Variants in OXR1 observed in about 807,000 individuals in gnomAD.
The protein encoded by OXR1 is oxidation resistance 1.
OXR1 carries 41 observed loss-of-function variants against 104.6 expected under a neutral mutation model. The ratio of observed to expected loss-of-function variants is 0.39; its 90% confidence interval spans 0.31 to 0.51. The LOEUF is 0.51. Among genes scored for constraint, OXR1 ranks in the 20% least tolerant of loss-of-function variants. The probability of loss-of-function intolerance (pLI) is 0.77; values close to 1 mark genes in which losing one functional copy is unlikely to be tolerated. For synonymous variants in OXR1, 348 were observed against 348.4 expected (o/e 1.00, Z 0.01); for missense variants, 955 against 1,031.9 (o/e 0.93, Z 1.02).
Position 106,675,144 on chromosome 8 carries a change from A to G in OXR1, c.221-4066A>G, listed in dbSNP as rs559682247. Among the ~76,000 whole-genome samples, 20 of 152,322 alleles carry G rather than the reference A, an allele frequency of 1.3e-4. No homozygotes were observed. The East Asian group carries it at 1.5e-3, about 12-fold the overall frequency. ...ATAATTTTCGATTTGTATGAGCCTA[A>G]TAACATGGTCCCAATGTATAAAAAG... On this transcript the variant is annotated intron_variant, in intron 3 of 16. Coordinates refer to ENST00000517566, the MANE Select transcript of OXR1 (RefSeq NM_001198533.2).
At chr8:106,658,434 A>G (rs909339673) in intron 3 of OXR1, among the ~76,000 whole-genome samples, 10 of 152,106 alleles carry the variant, frequency 6.6e-5, no homozygotes, top group African/African-American at 2.2e-4. Context: ...TTCCTCACCT[A>G]GACTTGATTT....
chr8:106,517,352 G>A (rs1812927302), intron 2 of OXR1, among the ~76,000 whole-genome samples: 1 of 152,004 alleles, frequency 6.6e-6, no homozygotes, highest in Non-Finnish European at 1.5e-5. Context: ...TCATGTTGCT[G>A]CTAATAGTCA....
intron 6 of OXR1, 75 bp downstream of exon 6, chr8:106,684,434 A>T (rs1235471230): frequency 1.6e-5 from 12 of 751,822 alleles, no homozygotes; most frequent in Non-Finnish European, 2.8e-5. Flanking sequence ...TGTTTTTTAC[A>T]TTCCATTTTG....
chr8:106,410,393 A>T (rs1471923514), intron 2 of OXR1, among the ~76,000 whole-genome samples: 1 of 152,142 alleles, frequency 6.6e-6, no homozygotes, highest in Admixed American at 6.6e-5. Context: ...TTATATGTGA[A>T]GTGGTGTTAG....
intron 15 of OXR1, among the ~76,000 whole-genome samples, chr8:106,743,663 G>A (rs1221743581): frequency 6.6e-6 from 1 of 152,188 alleles, no homozygotes; most frequent in African/African-American, 2.4e-5. Flanking sequence ...GTGTAAATTA[G>A]TTCAACTGTT....
intron 3 of OXR1, among the ~76,000 whole-genome samples, chr8:106,607,741 A>G (rs565774614): frequency 5.3e-5 from 8 of 152,162 alleles, no homozygotes; most frequent in South Asian, 2.1e-4. Flanking sequence ...TTTTGCATAC[A>G]TTATCTCATT....
intron 10 of OXR1, among the ~76,000 whole-genome samples, chr8:106,711,965 C>A (rs956639834): frequency 6.6e-6 from 1 of 152,056 alleles, no homozygotes; most frequent in Non-Finnish European, 1.5e-5. Context: ...AGTAAAATAT[C>A]ATAGGAAATG....
rs575729668 is a variant in OXR1 at position 106,690,576 on chromosome 8, GT to G, written c.526-2139del. Among the ~76,000 whole-genome samples the G allele has an allele frequency of 3.4e-3, 473 of 140,790 alleles. 2 individuals carry two copies. The highest frequency in any genetic ancestry group is 0.012 in the South Asian group (51 of 4,434). The allele number at this position is 140,790 out of a possible 152,430, so 92.4% of individuals were successfully genotyped here. On this transcript the variant is annotated intron_variant, in intron 6 of 16. Coordinates refer to ENST00000517566, the MANE Select transcript of OXR1 (RefSeq NM_001198533.2). ...GAAATGGGTAAATTACTAGATGAGA[GT>G]TTTTTTTTTTTTCCTAGATTCCAGA...
intron 3 of OXR1, among the ~76,000 whole-genome samples, chr8:106,653,195 TTAG>T (rs1168075611): frequency 6.6e-6 from 1 of 151,374 alleles, no homozygotes; most frequent in African/African-American, 2.4e-5. Context: ...TAAAGAATGA[TTAG>T]TAACAATCCT....
rs115594516 is a variant in OXR1 at position 106,508,493 on chromosome 8, A to T, written c.24-10450A>T. On this transcript the variant is annotated intron_variant, in intron 2 of 16. Coordinates refer to ENST00000517566, the MANE Select transcript of OXR1 (RefSeq NM_001198533.2). ...AGTGATTCTCAAACTGAGGAAGAGG[A>T]TGTGGCATGCCCTGTCTAGGGTAGC... is the stretch of plus-strand genomic sequence containing the variant. 2.4e-3 allele frequency among the ~76,000 whole-genome samples: 370 copies of T among 152,190 alleles called. 1 individual carries two copies. The highest frequency in any genetic ancestry group is 8.3e-3 in the African/African-American group (346 of 41,548).
At chr8:106,367,924 AAGCCAGGTAGGTGGAAAAC>A (rs1161031557) in intron 2 of OXR1, among the ~76,000 whole-genome samples, 3 of 152,156 alleles carry the variant, frequency 2.0e-5, no homozygotes. Flanking sequence ...ACTGTCTAGG[AAGCCAGGTAGGTGGAAAAC>A]AGCCAATAAG....
chr8:106,340,132 T>C (rs1388880130), intron 1 of OXR1, among the ~76,000 whole-genome samples: 1 of 151,820 alleles, frequency 6.6e-6, no homozygotes, highest in Non-Finnish European at 1.5e-5. Flanking sequence ...TTACCCTGAA[T>C]CCTTTTAACC....
chr8:106,522,482 G>A (rs28615674), intron 3 of OXR1, among the ~76,000 whole-genome samples: 10,389 of 152,234 alleles, frequency 0.068, 500 homozygotes, highest in Middle Eastern at 0.11. Context: ...GGTTAGTTGA[G>A]TCCATAGATG....
intron 3 of OXR1, among the ~76,000 whole-genome samples, chr8:106,567,488 C>CA (rs1195347302): frequency 6.6e-6 from 1 of 152,026 alleles, no homozygotes; most frequent in African/African-American, 2.4e-5. Flanking sequence ...TTTTTAGCCT[C>CA]ATCTGTTTAC....
chr8:106,474,024 C>T (rs1545519), intron 2 of OXR1, among the ~76,000 whole-genome samples: 8,984 of 131,442 alleles, frequency 0.068, 327 homozygotes, highest in African/African-American at 0.11. Flanking sequence ...CACACACACA[C>T]ACACACACAC....
At chr8:106,742,643 T>C (rs1835018360) in intron 15 of OXR1, among the ~76,000 whole-genome samples, 1 of 151,958 alleles carries the variant, frequency 6.6e-6, no homozygotes, top group Admixed American at 6.6e-5. Flanking sequence ...AAATAAGACC[T>C]CACACCTGTA....
intron 3 of OXR1, among the ~76,000 whole-genome samples, chr8:106,575,054 T>C (rs1461649071): frequency 6.6e-6 from 1 of 152,164 alleles, no homozygotes; most frequent in East Asian, 1.9e-4. Flanking sequence ...TACATTTTTC[T>C]CACACCATTA....
chr8:106,334,346 A>C (rs956064451), intron 1 of OXR1, among the ~76,000 whole-genome samples: 16 of 152,068 alleles, frequency 1.1e-4, no homozygotes, highest in Non-Finnish European at 2.2e-4. Flanking sequence ...ACTAACTCTA[A>C]TAGTTATTTC....
chr8:106,523,925 C>T (rs144090684), intron 3 of OXR1, among the ~76,000 whole-genome samples: 2,132 of 152,138 alleles, frequency 0.014, 46 homozygotes, highest in African/African-American at 0.049. Flanking sequence ...CAGGCGCCCA[C>T]CACCATGCCT....
Sources: allele counts gnomAD v4.1 joint callset (sites outside exome capture counted in the v4.1 genomes callset), GRCh38; gene constraint gnomAD v4.1.1; transcripts MANE v1.5; gene names NCBI Gene and HGNC (gene_info 2026-07-23, HGNC 2026-07-21).